The following LRRC9 variants were observed in gnomAD, a reference collection of about 807,000 sequenced individuals.
LRRC9 encodes the protein leucine rich repeat containing 9, also known as leucine-rich repeat-containing protein 9.
In LRRC9, 122 loss-of-function variants were observed where a neutral mutation model predicts 63.2. The observed-to-expected ratio is 1.93, with a 90% CI of 1.67 to 2.24. The LOEUF (loss-of-function observed/expected upper bound fraction) is 2.24, where lower values mean the gene tolerates loss of function less well. Ranked by LOEUF, LRRC9 falls within the 30% of genes most tolerant of loss-of-function variation. LRRC9 has a pLI of 0.00. For missense variants in LRRC9, 1,071 were observed against 627.7 expected (o/e 1.71, Z -7.55); for synonymous variants, 366 against 213.1 (o/e 1.72, Z -6.25).
At chr14:59,970,927 T>C (rs1161305457) in intron 12 of LRRC9, among the ~76,000 whole-genome samples, 2 of 152,180 alleles carry the variant, frequency 1.3e-5, no homozygotes, top group African/African-American at 2.4e-5. Context: ...TTAAATTTAA[T>C]TAGATCCCAT....
chr14:60,013,665 T>C (rs181232076), intron 23 of LRRC9, among the ~76,000 whole-genome samples: 82 of 152,330 alleles, frequency 5.4e-4, no homozygotes, highest in Admixed American at 4.3e-3. Context: ...GGTAATGTTC[T>C]GTCTGACTCT....
rs1421175172 is a variant in LRRC9, at chr14:59,965,701, G to A, written c.1212-888G>A. On this transcript the variant is annotated intron_variant, in intron 10 of 31. Coordinates refer to ENST00000445360, the Ensembl canonical transcript of LRRC9. ...GATTGAGACCATCCTGGCTAACACGGTGAAACCCCGTCTGTATTAAAAACA... is the reference window on the plus strand; with the variant it reads ...GATTGAGACCATCCTGGCTAACACGATGAAACCCCGTCTGTATTAAAAACA... Among the ~76,000 whole-genome samples the A allele has an allele frequency of 4.0e-5, 6 of 151,872 alleles. No homozygotes were observed. The East Asian group carries it at 5.8e-4, about 15-fold the overall frequency.
At position 59,936,849 on chromosome 14, in the gene LRRC9, G is replaced by A. The variant is rs148886959; in HGVS notation, c.544-1541G>A. ...GTATTACTCTTGCTTCCAGCAACCTGACTTCACTATTCCCTTTTCCATTCC... is the reference window on the plus strand; with the variant it reads ...GTATTACTCTTGCTTCCAGCAACCTAACTTCACTATTCCCTTTTCCATTCC... On this transcript the variant is annotated intron_variant, in intron 6 of 31. Coordinates refer to ENST00000445360, the Ensembl canonical transcript of LRRC9. This position sits in a 1 kb window ranked among gnomAD's most constrained non-coding sequence, Gnocchi z 4.2. Among the ~76,000 whole-genome samples, 11 of 152,216 alleles carry A rather than the reference G, an allele frequency of 7.2e-5. No homozygotes were observed. The highest frequency in any genetic ancestry group is 2.6e-4 in the African/African-American group (11 of 41,544).
intron 21 of LRRC9, among the ~76,000 whole-genome samples, chr14:60,005,715 C>T (rs1036674998): frequency 1.3e-5 from 2 of 152,010 alleles, no homozygotes; most frequent in African/African-American, 4.8e-5. Flanking sequence ...TTAGTATGCC[C>T]GTTTTATGGA....
chr14:60,028,397 T>G (rs1891726791), intron 28 of LRRC9, among the ~76,000 whole-genome samples: 1 of 152,134 alleles, frequency 6.6e-6, no homozygotes, highest in Non-Finnish European at 1.5e-5. Flanking sequence ...CCTTGACTGC[T>G]CTTGGTCCAA....
At chr14:59,934,452 T>C (rs9671856) in intron 6 of LRRC9, among the ~76,000 whole-genome samples, 27,982 of 152,158 alleles carry the variant, frequency 0.18, 3,707 homozygotes, top group African/African-American at 0.37. Flanking sequence ...AGAGCAGTCA[T>C]ACCTTACAAT....
At chr14:59,979,461 C>T (rs1335611579) in intron 15 of LRRC9, among the ~76,000 whole-genome samples, 1 of 151,760 alleles carries the variant, frequency 6.6e-6, no homozygotes, top group African/African-American at 2.4e-5. Flanking sequence ...AAATACAAAA[C>T]ATTAGCCGGC....
At chr14:59,940,665 TG>T (rs149950125) in intron 7 of LRRC9, among the ~76,000 whole-genome samples, 2,157 of 152,234 alleles carry the variant, frequency 0.014, 52 homozygotes, top group East Asian at 0.059. Flanking sequence ...AGGGTTGTTT[TG>T]GGGGAGCCAA....
intron 22 of LRRC9, among the ~76,000 whole-genome samples, chr14:60,007,588 T>C (rs1284838772): frequency 6.6e-6 from 1 of 152,180 alleles, no homozygotes; most frequent in Non-Finnish European, 1.5e-5. Context: ...CATACATCCA[T>C]TTATTAAGCC....
chr14:60,037,511 G>A (rs911000342), intron 29 of LRRC9, among the ~76,000 whole-genome samples: 49 of 152,272 alleles, frequency 3.2e-4, no homozygotes, highest in Non-Finnish European at 6.9e-4. Flanking sequence ...TTTCTCTGAT[G>A]GCCAGTGATA....
At chr14:60,048,537 T>C (rs571831031) in intron 29 of LRRC9, among the ~76,000 whole-genome samples, 14 of 152,060 alleles carry the variant, frequency 9.2e-5, no homozygotes, top group African/African-American at 2.9e-4. Flanking sequence ...CTAGAAAATC[T>C]AGAAGAAATG....
At chr14:59,991,458 G>A (rs181316250) in intron 17 of LRRC9, among the ~76,000 whole-genome samples, 24 of 152,198 alleles carry the variant, frequency 1.6e-4, no homozygotes, top group African/African-American at 2.2e-4. Context: ...GGGGAGTGTC[G>A]GAAAGTGGGT....
intron 8 of LRRC9, 116 bp from the exon 9 acceptor site, chr14:59,959,702 T>C (rs748053806): frequency 1.0e-5 from 5 of 491,404 alleles, no homozygotes; most frequent in Non-Finnish European, 1.8e-5. Flanking sequence ...TCCACTTTGT[T>C]CATTTAAATT....
chr14:59,952,417 T>A (rs577648762), intron 8 of LRRC9, among the ~76,000 whole-genome samples: 3 of 152,172 alleles, frequency 2.0e-5, no homozygotes, highest in African/African-American at 7.2e-5. Context: ...CCTAGTGAGA[T>A]GAACCGGGTA....
rs1893002529 is a variant in LRRC9 at position 60,042,122 on chromosome 14, G to A, written c.3990+10059G>A. ...TCCTTCCTCTGGAACCTTCGTCTCA[G>A]AGGGGCACCCAGCTGTATGAGGTGT... On this transcript the variant is annotated intron_variant, in intron 29 of 31. Transcript: ENST00000445360. This position sits in a 1 kb window ranked among gnomAD's most constrained non-coding sequence, Gnocchi z 4.2. 6.6e-6 allele frequency among the ~76,000 whole-genome samples: 1 copy of A among 152,210 alleles called. No homozygotes were observed. Among genetic ancestry groups the A allele is most frequent in the African/African-American group, 2.4e-5 (1 of 41,452 alleles).
At chr14:59,969,469 G>A (rs1885230482) in intron 12 of LRRC9, 1 of 152,178 alleles carries the variant, frequency 6.6e-6, no homozygotes, top group Non-Finnish European at 1.5e-5. Context: ...TCTGTGCTAT[G>A]ATGTGTACAT....
At position 59,938,960 on chromosome 14, in the gene LRRC9, C is replaced by CATATAG; in HGVS notation, c.726+389_726+390insTATAGA. The stretch of plus-strand genomic sequence containing the variant: ...ATATACATATACATACATATATACA[C>CATATAG]ACATATATACATATATACATATATA... On this transcript the variant is annotated intron_variant, in intron 7 of 31. Coordinates refer to ENST00000445360, the Ensembl canonical transcript of LRRC9. This position sits in a 1 kb window ranked among gnomAD's most constrained non-coding sequence, Gnocchi z 4.2. 7.0e-6 allele frequency among the ~76,000 whole-genome samples: 1 copy of CATATAG among 143,106 alleles called. No homozygotes were observed. The highest frequency in any genetic ancestry group is 2.6e-5 in the African/African-American group (1 of 37,942). The allele number at this position is 143,106 out of a possible 152,430, so 93.9% of individuals were successfully genotyped here.
chr14:59,999,886 C>T (rs1889180004), intron 19 of LRRC9, among the ~76,000 whole-genome samples: 1 of 151,680 alleles, frequency 6.6e-6, no homozygotes, highest in Non-Finnish European at 1.5e-5. Flanking sequence ...GGGAATTTAC[C>T]CTAAGAAAAG....
chr14:60,006,728 A>C (rs1889837079), intron 22 of LRRC9, 111 bp downstream of exon 22: 1 of 531,206 alleles, frequency 1.9e-6, no homozygotes. Context: ...AGAAAATAAA[A>C]ATAAGAATAA....
Sources: gnomAD v4.1 joint callset for allele counts (sites outside exome capture counted in the v4.1 genomes callset) on GRCh38, gnomAD v4.1.1 for gene constraint, Gnocchi (gnomAD v3.1) non-coding constraint, MANE v1.5 for transcripts, NCBI Gene and HGNC (gene_info 2026-07-23, HGNC 2026-07-21) for gene names.